Variants in GBP6 observed in about 807,000 individuals in gnomAD.
The protein encoded by GBP6 is guanylate binding protein family member 6.
A neutral mutation model predicts 61.5 loss-of-function variants in GBP6; 54 were observed. That is an observed-to-expected ratio of 0.88 (90% CI 0.71 to 1.10). The LOEUF is 1.10. GBP6 is among the 50% of genes least tolerant of loss of function. The pLI is 0.00. For missense variants in GBP6, 748 were observed against 752.8 expected (o/e 0.99, Z 0.07); for synonymous variants, 255 against 273.7 (o/e 0.93, Z 0.67).
intron 3 of GBP6, among the ~76,000 whole-genome samples, chr1:89,375,574 C>T (rs902866135): frequency 6.7e-6 from 1 of 149,190 alleles, no homozygotes; most frequent in Admixed American, 6.8e-5. Flanking sequence ...TATTGCAGCA[C>T]CTTTGCTCAT....
chr1:89,372,771 A>G (rs1438703754), intron 3 of GBP6, among the ~76,000 whole-genome samples: 5 of 152,248 alleles, frequency 3.3e-5, no homozygotes, highest in Admixed American at 1.3e-4. Context: ...CTTCATGTCT[A>G]AAACACCAAA....
Position 89,368,582 on chromosome 1 carries a change from G to C in GBP6, c.31G>C (p.Val11Leu), listed in dbSNP as rs116429247. The change falls in exon 2 of 11, where the codon GTT (valine) becomes CTT (leucine). Residue 11 changes from valine (V) to leucine (L), a missense_variant. Transcript: ENST00000370456. Reference protein sequence around the residue: MESGPKMLAPVCLVENNNEQL... With the variant: MESGPKMLAPLCLVENNNEQL... ...ATCTGGACCCAAAATGTTGGCCCCC[G>C]TTTGCCTGGTGGAAAATAACAATGA... is the stretch of plus-strand genomic sequence containing the variant. 1 of 1,614,084 alleles carries C rather than the reference G, an allele frequency of 6.2e-7. No individual in the cohort carries two copies.
chr1:89,383,785 G>A (rs754113265), intron 9 of GBP6, 31 bp downstream of exon 9: 2 of 1,495,898 alleles, frequency 1.3e-6, no homozygotes, highest in Admixed American at 2.0e-5. Flanking sequence ...TACACAGGAG[G>A]GGTACGTTTA....
At position 89,368,470 on chromosome 1, in the gene GBP6, T is replaced by C; in HGVS notation, c.-23-59T>C. The C allele has an allele frequency of 3.0e-6, 4 of 1,315,170 alleles. No individual in the cohort carries two copies. The African/African-American group carries it at 4.4e-5, about 14-fold the overall frequency. The allele number at this position is 1,315,170 out of a possible 1,614,324, so 81.5% of individuals were successfully genotyped here. A position where few individuals can be genotyped will look rare whatever the true frequency, so the allele number is the denominator to read the frequency against. On this transcript the variant is annotated intron_variant, in intron 1 of 10. Transcript: ENST00000370456. ...AGAAGTCTCATTAGTCCTATGTTGA[T>C]GGGTGCTTGGGAAACACTGAGACAG...
In GBP6 at chr1:89,384,282, A is replaced by G; in HGVS notation, c.1658A>G (p.Gln553Arg). 1 of 1,610,008 alleles carries G rather than the reference A, an allele frequency of 6.2e-7. No homozygotes were observed. Residue 553 changes from glutamine (Q) to arginine (R), a missense_variant, in exon 10 of 11, where the codon CAG becomes CGG. By Grantham distance (43) the Gln-to-Arg change is conservative. Transcript: ENST00000370456. ...CAGATTATGATGTTGGAGCACACGC[A>G]GAAGGTAAGTCTGCCCTTGGCCTCA... ...REQIMMLEHT[Q>R]KVQNDWLHEG...
At chr1:89,368,434 A>G (rs560158618) in intron 1 of GBP6, 95 bp from the exon 2 acceptor site, 729 of 841,000 alleles carry the variant, frequency 8.7e-4, no homozygotes, top group Non-Finnish European at 1.2e-3. Flanking sequence ...CATGTTGTCC[A>G]GTAGAAACAC....
chr1:89,369,430 G>A (rs1652558871), intron 2 of GBP6, 116 bp from the exon 3 acceptor site: 13 of 1,234,984 alleles, frequency 1.1e-5, no homozygotes, highest in Non-Finnish European at 1.1e-5. Context: ...AGGAAATACA[G>A]AAAGGACCAT....
chr1:89,385,454 T>A lies in GBP6; in HGVS notation c.1887T>A (p.His629Gln). 1 of 1,613,972 alleles carries A rather than the reference T, an allele frequency of 6.2e-7. No homozygotes were observed. Among genetic ancestry groups the A allele is most frequent in the Non-Finnish European group, 8.5e-7 (1 of 1,179,870 alleles). Residue 629 changes from histidine (H) to glutamine (Q), a missense_variant, in exon 11 of 11, where the codon CAT (histidine) becomes CAA (glutamine). Transcript: ENST00000370456. ...GTGTGAGCTCACTCTTTAAAAAGCATAAGCTCCCCTTTTAAGGATATTATA... is the reference window on the plus strand; with the variant it reads ...GTGTGAGCTCACTCTTTAAAAAGCAAAAGCTCCCCTTTTAAGGATATTATA... ...VKGVSSLFKKHKLPF is the reference protein window; with the variant it reads ...VKGVSSLFKKQKLPF
At position 89,369,211 on chromosome 1, in the gene GBP6, T is replaced by A. The variant is rs1209741914; in HGVS notation, c.191-335T>A. On this transcript the variant is annotated intron_variant, in intron 2 of 10. Transcript: ENST00000370456. ...AAAGATCTCAATTTCCCTTTTTGAGTTTTTTCCTTCTCGTGTCTTTCTTCA... is the reference window on the plus strand; with the variant it reads ...AAAGATCTCAATTTCCCTTTTTGAGATTTTTCCTTCTCGTGTCTTTCTTCA... Among the ~76,000 whole-genome samples, 4 of 152,112 alleles carry A rather than the reference T, an allele frequency of 2.6e-5. No homozygotes were observed. The East Asian group carries it at 7.7e-4, about 29-fold the overall frequency.
Position 89,382,776 on chromosome 1 carries a change from C to T in GBP6, c.1265C>T (p.Ser422Leu), listed in dbSNP as rs377052539. Residue 422 changes from serine (S) to leucine (L), a missense_variant, in exon 8 of 11, where the codon TCA becomes TTA. Coordinates refer to ENST00000370456, the MANE Select transcript of GBP6 (RefSeq NM_198460.3). ...ELSKGLMESI[S>L]AGSFSVPGGH... is the part of the protein sequence containing the mutation. ...TCAAAGGGACTAATGGAAAGTATCT[C>T]AGCAGGAAGTTTCTCTGTTCCTGGA... The T allele has an allele frequency of 1.2e-6, 2 of 1,614,018 alleles. No homozygotes were observed. The highest frequency in any genetic ancestry group is 1.7e-6 in the Non-Finnish European group (2 of 1,179,910).
chr1:89,380,246 G>A, intron 5 of GBP6, 140 bp from the exon 6 acceptor site: 1 of 671,436 alleles, frequency 1.5e-6, no homozygotes, highest in South Asian at 1.9e-5. Flanking sequence ...AATGTGCACA[G>A]AAGTATTTAA....
intron 2 of GBP6, 91 bp from the exon 3 acceptor site, chr1:89,369,455 T>C: frequency 2.8e-6 from 4 of 1,427,928 alleles, no homozygotes; most frequent in Non-Finnish European, 3.8e-6. Flanking sequence ...TATGTTGGGG[T>C]AGTTACAATC....
At chr1:89,380,087 G>A (rs951854141) in intron 5 of GBP6, among the ~76,000 whole-genome samples, 14 of 152,156 alleles carry the variant, frequency 9.2e-5, no homozygotes, top group Admixed American at 4.6e-4. Flanking sequence ...GCAGTAAGCC[G>A]TGATTGTGCC....
intron 1 of GBP6, among the ~76,000 whole-genome samples, chr1:89,366,312 C>T (rs1456892305): frequency 6.6e-6 from 1 of 152,126 alleles, no homozygotes; most frequent in African/African-American, 2.4e-5. Flanking sequence ...GAACCTGACC[C>T]TTCTAGGCTA....
intron 3 of GBP6, among the ~76,000 whole-genome samples, chr1:89,373,269 G>T (rs1480634135): frequency 6.6e-6 from 1 of 152,142 alleles, no homozygotes; most frequent in Non-Finnish European, 1.5e-5. Flanking sequence ...ATTCCTCAAG[G>T]ATCTAGAACT....
rs1235932981 is a variant in GBP6, at chr1:89,385,459, T to C, written c.1892T>C (p.Leu631Pro). Residue 631 changes from leucine to proline, a missense_variant, in exon 11 of 11, where the codon CTC (leucine) becomes CCC (proline). Transcript: ENST00000370456. ...GVSSLFKKHK[L>P]PF is the part of the protein sequence containing the mutation. Reference sequence around the variant, plus strand: ...AGCTCACTCTTTAAAAAGCATAAGCTCCCCTTTTAAGGATATTATAGATTG... The same window carrying C: ...AGCTCACTCTTTAAAAAGCATAAGCCCCCCTTTTAAGGATATTATAGATTG... 1.9e-6 allele frequency: 3 copies of C among 1,613,648 alleles called. No individual in the cohort carries two copies. The highest frequency in any genetic ancestry group is 2.5e-6 in the Non-Finnish European group (3 of 1,179,824).
chr1:89,373,749 G>A (rs1199347501), intron 3 of GBP6, among the ~76,000 whole-genome samples: 1 of 151,968 alleles, frequency 6.6e-6, no homozygotes, highest in African/African-American at 2.4e-5. Context: ...CACCAACATG[G>A]CACATGTATA....
In GBP6 at chr1:89,387,022, A is replaced by AT. The variant is rs1465899941; in HGVS notation, c.*1554dup. Among the ~76,000 whole-genome samples the AT allele has an allele frequency of 6.6e-6, 1 of 152,212 alleles. No individual in the cohort carries two copies. The highest frequency in any genetic ancestry group is 2.4e-5 in the African/African-American group (1 of 41,454). On this transcript the variant is annotated 3_prime_UTR_variant, in exon 11 of 11. Coordinates refer to ENST00000370456, the MANE Select transcript of GBP6 (RefSeq NM_198460.3). ...GGGAGAAAACAATCAAGTGAAGTAA[A>AT]TGCTGTCTATCAGGATGTTGAGAGG...
intron 5 of GBP6, among the ~76,000 whole-genome samples, 179 bp from the exon 6 acceptor site, chr1:89,380,207 G>T (rs913217187): frequency 6.6e-6 from 1 of 152,194 alleles, no homozygotes; most frequent in South Asian, 2.1e-4. Flanking sequence ...CTAAAAAATA[G>T]CTAACATTAT....
Sources: gnomAD v4.1 joint callset for allele counts (sites outside exome capture counted in the v4.1 genomes callset) on GRCh38, gnomAD v4.1.1 for gene constraint, MANE v1.5 for transcripts, NCBI Gene and HGNC (gene_info 2026-07-23, HGNC 2026-07-21) for gene names.